PCDHAC1: variants seen among roughly 807,000 people sequenced by gnomAD.
PCDHAC1 encodes the protein protocadherin alpha-C1.
A neutral mutation model predicts 60.0 loss-of-function variants in PCDHAC1; 42 were observed. The ratio of observed to expected loss-of-function variants is 0.70; its 90% CI spans 0.55 to 0.90. The LOEUF (loss-of-function observed/expected upper bound fraction) is 0.90, where lower values mean the gene tolerates loss of function less well. PCDHAC1 is among the 40% of genes least tolerant of loss of function. PCDHAC1 has a pLI of 0.00. For missense variants in PCDHAC1, 1,160 were observed against 1,222.3 expected (o/e 0.95, Z 0.76); for synonymous variants, 468 against 499.3 (o/e 0.94, Z 0.84).
chr5:140,962,806 A>G (rs2095710017), intron 1 of PCDHAC1, among the ~76,000 whole-genome samples: 1 of 152,204 alleles, frequency 6.6e-6, no homozygotes, highest in Admixed American at 6.5e-5. Context: ...ACAACTCTAA[A>G]CATCAGAGAT....
intron 1 of PCDHAC1, among the ~76,000 whole-genome samples, chr5:140,977,306 C>T (rs995052680): frequency 6.6e-6 from 1 of 152,150 alleles, no homozygotes; most frequent in African/African-American, 2.4e-5. Context: ...GACAAGCTAA[C>T]GATAGTGCTC....
chr5:140,992,017 CTGTGTGTGTGTGTGTG>C (rs10602499), intron 3 of PCDHAC1, among the ~76,000 whole-genome samples: 31 of 145,626 alleles, frequency 2.1e-4, no homozygotes, highest in East Asian at 1.4e-3. Flanking sequence ...AGAGGTGGCT[CTGTGTGTGTGTGTGTG>C]TGTGTGTGTG....
chr5:140,949,892 C>G (rs2094430270), intron 1 of PCDHAC1, among the ~76,000 whole-genome samples: 1 of 151,674 alleles, frequency 6.6e-6, no homozygotes, highest in African/African-American at 2.4e-5. Context: ...TCCTCAGAAT[C>G]TCTTTTAATT....
Position 141,011,434 on chromosome 5 carries a change from C to A in PCDHAC1, c.*1497C>A, listed in dbSNP as rs934032017. 6.5e-6 allele frequency: 1 copy of A among 153,726 alleles called. No homozygotes were observed. Among genetic ancestry groups the A allele is most frequent in the African/African-American group, 2.4e-5 (1 of 41,446 alleles). The allele number at this position is 153,726 out of a possible 1,614,324, so 9.5% of individuals were successfully genotyped here. The stretch of plus-strand genomic sequence containing the variant: ...ATGTGAATGTTAATGCAACTATTAC[C>A]TAGAGTGAACTTTAAGCTTTATTGT... On this transcript the variant is annotated 3_prime_UTR_variant, in exon 4 of 4. Transcript: ENST00000253807.
chr5:140,945,321 A>G (rs558331825), intron 1 of PCDHAC1, among the ~76,000 whole-genome samples: 1 of 152,258 alleles, frequency 6.6e-6, no homozygotes, highest in Non-Finnish European at 1.5e-5. Flanking sequence ...AAATGGAAAT[A>G]TATTTTATGT....
intron 1 of PCDHAC1, among the ~76,000 whole-genome samples, chr5:140,941,202 C>CTTTCCTT (rs1554213921): frequency 5.7e-5 from 7 of 122,742 alleles, no homozygotes; most frequent in Admixed American, 1.7e-4. Flanking sequence ...TTTCTTTCTT[C>CTTTCCTT]CTTTCTTTCT....
At chr5:140,941,618 C>A (rs532721732) in intron 1 of PCDHAC1, among the ~76,000 whole-genome samples, 1 of 151,904 alleles carries the variant, frequency 6.6e-6, no homozygotes, top group African/African-American at 2.4e-5. Context: ...CCCAGCCCAT[C>A]CTGCTTCTTA....
chr5:140,952,734 C>T (rs143946641), intron 1 of PCDHAC1, among the ~76,000 whole-genome samples: 1 of 152,272 alleles, frequency 6.6e-6, no homozygotes, highest in East Asian at 1.9e-4. Flanking sequence ...CTAGTCTTTT[C>T]TCACACTGCT....
chr5:140,971,698 A>G (rs969936167), intron 1 of PCDHAC1, among the ~76,000 whole-genome samples: 16 of 151,980 alleles, frequency 1.1e-4, no homozygotes, highest in Non-Finnish European at 2.2e-4. Context: ...CTCACTAACC[A>G]CCCTGCTATA....
At chr5:140,966,707 A>T in intron 1 of PCDHAC1, 2 of 1,379,868 alleles carry the variant, frequency 1.4e-6, no homozygotes, top group Non-Finnish European at 9.3e-7. Flanking sequence ...GGCGTGGGGC[A>T]CGGCTGGGGA....
chr5:140,970,881 C>T (rs1316692542), intron 1 of PCDHAC1, among the ~76,000 whole-genome samples: 1 of 152,050 alleles, frequency 6.6e-6, no homozygotes, highest in Non-Finnish European at 1.5e-5. Flanking sequence ...GTAGATTTTT[C>T]TCATGGACAT....
At chr5:140,938,187 C>T (rs1584944424) in intron 1 of PCDHAC1, among the ~76,000 whole-genome samples, 1 of 152,158 alleles carries the variant, frequency 6.6e-6, no homozygotes, top group Admixed American at 6.5e-5. Context: ...CTCAAGCAAT[C>T]CTCCCACGCC....
rs372235129 is a variant in PCDHAC1 at position 140,927,231 on chromosome 5, C to T, written c.339C>T (p.His113=). The change falls in exon 1 of 4, where the codon CAC becomes CAT. Residue 113 remains histidine (H), a synonymous_variant. Transcript: ENST00000253807. ...DPLELHKIRI[H]VLDTNDNSPL... ...TGGAGCTGCACAAGATTCGGATTCA[C>T]GTCCTGGACACCAATGACAACTCAC... 3.7e-6 allele frequency: 6 copies of T among 1,614,020 alleles called. No individual in the cohort carries two copies. In the African/African-American group the frequency reaches 4.0e-5, roughly 11 times the overall value.
At chr5:140,956,985 A>G (rs1554222760) in intron 1 of PCDHAC1, among the ~76,000 whole-genome samples, 2 of 152,224 alleles carry the variant, frequency 1.3e-5, no homozygotes, top group African/African-American at 2.4e-5. Flanking sequence ...AGTAAAATAA[A>G]TTCAAGGAAG....
In PCDHAC1 at chr5:140,927,441, G is replaced by A; in HGVS notation, c.549G>A (p.Pro183=). 5.0e-6 allele frequency: 8 copies of A among 1,614,130 alleles called. No homozygotes were observed. The highest frequency in any genetic ancestry group is 4.2e-6 in the Non-Finnish European group (5 of 1,180,010). The change falls in exon 1 of 4, where the codon CCG becomes CCA. Residue 183 remains proline, a synonymous_variant. Coordinates refer to ENST00000253807, the MANE Select transcript of PCDHAC1 (RefSeq NM_018898.5). ...MGSRVDGSEY[P]ELVLEKALDR... is the part of the protein sequence containing the mutation. ...CGCGGGTTGACGGCAGCGAATACCCGGAGTTGGTGTTGGAGAAAGCACTGG... is the reference window on the plus strand; with the variant it reads ...CGCGGGTTGACGGCAGCGAATACCCAGAGTTGGTGTTGGAGAAAGCACTGG...
chr5:140,967,955 A>C (rs1422637534), intron 1 of PCDHAC1: 5 of 1,614,078 alleles, frequency 3.1e-6, no homozygotes, highest in Non-Finnish European at 4.2e-6. Flanking sequence ...CTCAGGCCCC[A>C]ACCGGAAAGT....
intron 1 of PCDHAC1, among the ~76,000 whole-genome samples, chr5:140,973,765 G>A (rs1326498499): frequency 6.6e-6 from 1 of 152,230 alleles, no homozygotes; most frequent in African/African-American, 2.4e-5. Context: ...GACACAGCCT[G>A]GCATATTATA....
At chr5:141,009,019 C>A (rs1160022658) in intron 3 of PCDHAC1, among the ~76,000 whole-genome samples, 1 of 152,232 alleles carries the variant, frequency 6.6e-6, no homozygotes, top group Non-Finnish European at 1.5e-5. Context: ...CCTTTAGGCT[C>A]TGTATTTCCC....
At chr5:140,967,869 C>A in intron 1 of PCDHAC1, 1 of 1,614,160 alleles carries the variant, frequency 6.2e-7, no homozygotes, top group South Asian at 1.1e-5. Flanking sequence ...GTGGTGCTCA[C>A]GGACCTGTAT....
Sources: gnomAD v4.1 joint callset for allele counts (sites outside exome capture counted in the v4.1 genomes callset) on GRCh38, gnomAD v4.1.1 for gene constraint, MANE v1.5 for transcripts, NCBI Gene and HGNC (gene_info 2026-07-23, HGNC 2026-07-21) for gene names.